Variants in MROH1 observed in about 807,000 individuals in gnomAD.
The protein encoded by MROH1 is maestro heat-like repeat-containing protein family member 1.
MROH1 carries 117 observed loss-of-function variants against 116.5 expected under a neutral mutation model. That is an observed-to-expected ratio of 1.00 (90% CI 0.86 to 1.17). The LOEUF (loss-of-function observed/expected upper bound fraction) is 1.17. Among genes scored for constraint, MROH1 ranks in the 50% most tolerant of loss-of-function variants. The pLI is 0.00. For missense variants in MROH1, 1,873 were observed against 1,338.5 expected (o/e 1.40, Z -6.23); for synonymous variants, 921 against 583.9 (o/e 1.58, Z -8.32).
Position 144,242,443 on chromosome 8 carries a change from C to T in MROH1, c.2253C>T (p.Ala751=). The part of the protein sequence containing the change: ...ILCYGHVAAR[A]PRELVLAKVE... ...GCTATGGGCACGTGGCGGCCCGGGC[C>T]CCCCGGGAGCTGGTGCTGGCCAAGG... The change falls in exon 23 of 44, where the codon GCC becomes GCT. Residue 751 remains alanine (A), a synonymous_variant. Transcript: ENST00000326134. 2 of 780,674 alleles carry T rather than the reference C, an allele frequency of 2.6e-6. No homozygotes were observed. Among genetic ancestry groups the T allele is most frequent in the East Asian group, 2.4e-5 (1 of 41,248 alleles). 48.4% of individuals were successfully genotyped at this position (780,674 alleles called of 1,614,324 possible). A position where few individuals can be genotyped will look rare whatever the true frequency, so the allele number is the denominator to read the frequency against.
rs773145263 is a variant in MROH1, at chr8:144,179,506, A to T, written c.220A>T (p.Ser74Cys). ...CCTGAGGGCCATGGAGAGGGTCCTGAGCAGTCGCGCCAGTGAGCTGGACAA... is the reference window on the plus strand; with the variant it reads ...CCTGAGGGCCATGGAGAGGGTCCTGTGCAGTCGCGCCAGTGAGCTGGACAA... ...AVLRAMERVL[S>C]SRASELDKDT... is the part of the protein sequence containing the mutation. Residue 74 changes from serine to cysteine, a missense_variant, in exon 5 of 44, where the codon AGC becomes TGC. Coordinates refer to ENST00000326134, the MANE Select transcript of MROH1 (RefSeq NM_032450.3). 10 of 1,613,598 alleles carry T rather than the reference A, an allele frequency of 6.2e-6. No individual in the cohort carries two copies. The South Asian group carries it at 1.1e-4, about 18-fold the overall frequency.
intron 12 of MROH1, among the ~76,000 whole-genome samples, chr8:144,214,707 G>T (rs1834888924): frequency 6.6e-6 from 1 of 152,124 alleles, no homozygotes; most frequent in African/African-American, 2.4e-5. Flanking sequence ...CTTCTGGGAG[G>T]CAACTGCTCA....
chr8:144,208,620 T>C (rs1264731397), intron 12 of MROH1, among the ~76,000 whole-genome samples: 1 of 152,180 alleles, frequency 6.6e-6, no homozygotes, highest in Non-Finnish European at 1.5e-5. Context: ...GGGTTGGGAT[T>C]TGCACATACG....
At chr8:144,253,235 G>C (rs1292355043) in intron 33 of MROH1, among the ~76,000 whole-genome samples, 1 of 152,118 alleles carries the variant, frequency 6.6e-6, no homozygotes, top group African/African-American at 2.4e-5. Context: ...ATTCATAAAT[G>C]GTCAGAAAAA....
chr8:144,244,806 G>T (rs1841610160), intron 28 of MROH1, among the ~76,000 whole-genome samples: 1 of 152,210 alleles, frequency 6.6e-6, no homozygotes, highest in African/African-American at 2.4e-5. Context: ...GGTACCCATG[G>T]CTCCTGACTG....
intron 7 of MROH1, among the ~76,000 whole-genome samples, chr8:144,187,318 G>A (rs957803781): frequency 5.3e-5 from 8 of 152,044 alleles, no homozygotes; most frequent in African/African-American, 1.9e-4. Flanking sequence ...GCTGAGGTGG[G>A]AGGATCACTT....
At chr8:144,176,658 G>C (rs1824027918) in intron 4 of MROH1, among the ~76,000 whole-genome samples, 1 of 151,066 alleles carries the variant, frequency 6.6e-6, no homozygotes, top group Non-Finnish European at 1.5e-5. Context: ...GTGAAACCCT[G>C]TCTCTACTAA....
At chr8:144,254,781 G>A (rs986457611) in intron 33 of MROH1, 32 bp from the exon 34 acceptor site, 36 of 752,594 alleles carry the variant, frequency 4.8e-5, no homozygotes, top group African/African-American at 1.7e-4. Context: ...GACCAGCCAC[G>A]GCCTCAAAGT....
At chr8:144,236,744 AAAAAT>A (rs1182784593) in intron 14 of MROH1, among the ~76,000 whole-genome samples, 23 of 151,332 alleles carry the variant, frequency 1.5e-4, no homozygotes, top group African/African-American at 3.6e-4. Flanking sequence ...CTCCATCTCA[AAAAAT>A]AAAATAAAAT....
chr8:144,200,620 C>A, intron 12 of MROH1, 79 bp downstream of exon 12: 1 of 1,006,072 alleles, frequency 9.9e-7, no homozygotes, highest in Non-Finnish European at 1.5e-6. Flanking sequence ...TTGTGTCCCT[C>A]TAAGTGAAAG....
At chr8:144,155,032 G>T (rs1817701496) in intron 1 of MROH1, among the ~76,000 whole-genome samples, 1 of 152,118 alleles carries the variant, frequency 6.6e-6, no homozygotes, top group Admixed American at 6.6e-5. Context: ...TAGCCAGGCT[G>T]GTCTTGAACT....
chr8:144,254,703 TG>T, intron 33 of MROH1, 109 bp from the exon 34 acceptor site: 1 of 631,468 alleles, frequency 1.6e-6, no homozygotes. Context: ...CAGCTGAGCC[TG>T]GTGGCTGTGT....
At chr8:144,239,803 GTC>G (rs1421682177) in intron 18 of MROH1, 48 bp downstream of exon 18, 14 of 714,356 alleles carry the variant, frequency 2.0e-5, no homozygotes, top group East Asian at 1.3e-4. Context: ...GGGAGGGCAG[GTC>G]TCAGAGTAGG....
At chr8:144,155,833 A>G (rs1241544222) in intron 1 of MROH1, among the ~76,000 whole-genome samples, 9 of 151,820 alleles carry the variant, frequency 5.9e-5, no homozygotes, top group Non-Finnish European at 1.2e-4. Flanking sequence ...GGGTTTCAAC[A>G]TGTTGGCCAC....
At chr8:144,209,516 T>G (rs1327858125) in intron 12 of MROH1, among the ~76,000 whole-genome samples, 1 of 151,322 alleles carries the variant, frequency 6.6e-6, no homozygotes, top group Non-Finnish European at 1.5e-5. Flanking sequence ...GAGGCAGAGC[T>G]TGCAGTGAGC....
Position 144,247,381 on chromosome 8 carries a change from C to A in MROH1, c.2952C>A (p.Arg984=). 1 of 771,484 alleles carries A rather than the reference C, an allele frequency of 1.3e-6. No individual in the cohort carries two copies. Among genetic ancestry groups the A allele is most frequent in the East Asian group, 2.5e-5 (1 of 40,734 alleles). The allele number at this position is 771,484 out of a possible 1,614,324, so 47.8% of individuals were successfully genotyped here. ...GTGCGGACCTGTGGCCTGCCACCCG[C>A]CAGGAGGCCGTGGACTGTGTCTACT... is the stretch of plus-strand genomic sequence containing the variant. ...PRCADLWPAT[R]QEAVDCVYSL... The change falls in exon 30 of 44, where the codon CGC becomes CGA. Residue 984 remains arginine (R), a synonymous_variant. Coordinates refer to ENST00000326134, the MANE Select transcript of MROH1 (RefSeq NM_032450.3).
chr8:144,193,721 C>T (rs1829185401), intron 10 of MROH1, among the ~76,000 whole-genome samples: 1 of 151,860 alleles, frequency 6.6e-6, no homozygotes, highest in South Asian at 2.1e-4. Flanking sequence ...CGATCTCCTG[C>T]CTCAGCCTCC....
chr8:144,193,898 G>A (rs542549751), intron 10 of MROH1, among the ~76,000 whole-genome samples: 2 of 150,888 alleles, frequency 1.3e-5, no homozygotes, highest in African/African-American at 4.9e-5. Flanking sequence ...CATGAGCCAC[G>A]GAGCCCAGCC....
At chr8:144,153,398 T>C (rs960543755) in intron 1 of MROH1, among the ~76,000 whole-genome samples, 3 of 152,040 alleles carry the variant, frequency 2.0e-5, no homozygotes, top group African/African-American at 4.8e-5. Flanking sequence ...CGTTTCACCA[T>C]GTTGGCCAGT....
Sources: allele counts gnomAD v4.1 joint callset (sites outside exome capture counted in the v4.1 genomes callset), GRCh38; gene constraint gnomAD v4.1.1; transcripts MANE v1.5; gene names NCBI Gene and HGNC (gene_info 2026-07-23, HGNC 2026-07-21).